PIKFYVE: variants seen among roughly 807,000 people sequenced by gnomAD.
PIKFYVE encodes the protein 1-phosphatidylinositol 3-phosphate 5-kinase.
Under a neutral mutation model 257.9 loss-of-function variants are expected in PIKFYVE, and 122 were observed. That is an observed-to-expected ratio of 0.47 (90% CI 0.41 to 0.55). PIKFYVE has a LOEUF of 0.55. Ranked by LOEUF, PIKFYVE falls within the 20% of genes least tolerant of loss-of-function variation. PIKFYVE has a pLI of 0.00. For missense variants in PIKFYVE, 2,160 were observed against 2,536.6 expected (o/e 0.85, Z 3.19); for synonymous variants, 892 against 868.9 (o/e 1.03, Z -0.47).
chr2:208,291,232 G>T (rs1180793781), intron 7 of PIKFYVE, among the ~76,000 whole-genome samples: 1 of 152,074 alleles, frequency 6.6e-6, no homozygotes, highest in Non-Finnish European at 1.5e-5. Flanking sequence ...TTTGTCAAAT[G>T]CTTTTTCTGT....
chr2:208,271,831 T>C, intron 2 of PIKFYVE, 140 bp downstream of exon 2: 1 of 808,590 alleles, frequency 1.2e-6, no homozygotes. Context: ...AAGTGAAATA[T>C]TAACAAGCGA....
At chr2:208,286,542 T>C (rs1333015342) in intron 6 of PIKFYVE, among the ~76,000 whole-genome samples, 1 of 152,160 alleles carries the variant, frequency 6.6e-6, no homozygotes, top group African/African-American at 2.4e-5. Context: ...TTAAAAATTA[T>C]TAGTTATTAT....
intron 8 of PIKFYVE, among the ~76,000 whole-genome samples, chr2:208,299,467 T>A (rs957426358): frequency 2.6e-5 from 4 of 152,182 alleles, no homozygotes; most frequent in South Asian, 4.2e-4. Context: ...TTTTTGTATT[T>A]TTAGTAGAGA....
At chr2:208,286,512 G>A (rs1394131835) in intron 6 of PIKFYVE, among the ~76,000 whole-genome samples, 5 of 152,014 alleles carry the variant, frequency 3.3e-5, no homozygotes. Context: ...TAGAGTCTTA[G>A]TTTCATCAGT....
intron 6 of PIKFYVE, among the ~76,000 whole-genome samples, chr2:208,287,782 G>C (rs1020658980): frequency 4.0e-5 from 6 of 150,510 alleles, no homozygotes; most frequent in Non-Finnish European, 8.9e-5. Context: ...TGTATTTTCA[G>C]TAGAGATGGG....
chr2:208,340,273 A>G, intron 31 of PIKFYVE, 142 bp downstream of exon 31: 1 of 1,100,660 alleles, frequency 9.1e-7, no homozygotes, highest in Non-Finnish European at 1.3e-6. Flanking sequence ...ATGTCTTTTG[A>G]TACAATGTAA....
chr2:208,325,105 T>G, intron 19 of PIKFYVE, 68 bp downstream of exon 19: 2 of 1,601,550 alleles, frequency 1.2e-6, no homozygotes, highest in Non-Finnish European at 1.7e-6. Context: ...AATGTTTACT[T>G]ACTAGGAAAT....
At chr2:208,271,367 T>G (rs1048079247) in intron 1 of PIKFYVE, 144 bp from the exon 2 acceptor site, 33 of 774,336 alleles carry the variant, frequency 4.3e-5, no homozygotes, top group African/African-American at 4.1e-4. Context: ...CTTTGGAATA[T>G]ATGAAGCTAG....
intron 10 of PIKFYVE, among the ~76,000 whole-genome samples, chr2:208,303,571 C>G (rs1455613396): frequency 6.6e-6 from 1 of 152,160 alleles, no homozygotes; most frequent in South Asian, 2.1e-4. Context: ...TCACAAACGT[C>G]TTCATCCTCG....
chr2:208,279,416 T>C (rs1574422516), intron 5 of PIKFYVE, among the ~76,000 whole-genome samples: 1 of 152,220 alleles, frequency 6.6e-6, no homozygotes, highest in South Asian at 2.1e-4. Context: ...AGGTCCCACA[T>C]GTCAATTTTT....
In PIKFYVE at chr2:208,283,222, C is replaced by G. The variant is rs536167137; in HGVS notation, c.614-2504C>G. On this transcript the variant is annotated intron_variant, in intron 5 of 41. Transcript: ENST00000264380. ...TAGTACATGGAAAGGGATCAATGAA[C>G]AGTAAACTATTGTTATTGATGGTAA... Among the ~76,000 whole-genome samples the G allele has an allele frequency of 1.1e-4, 16 of 152,146 alleles. 1 individual carries two copies. Among genetic ancestry groups the G allele is most frequent in the Non-Finnish European group, 2.2e-4 (15 of 68,018 alleles).
At chr2:208,268,423 CTTTTTTT>C (rs35632672) in intron 1 of PIKFYVE, among the ~76,000 whole-genome samples, 3 of 78,678 alleles carry the variant, frequency 3.8e-5, no homozygotes, top group African/African-American at 9.1e-5. Context: ...CTCCAGAGCT[CTTTTTTT>C]TTTTTTTTTT....
chr2:208,346,181 G>A (rs1699213804), intron 34 of PIKFYVE, 34 bp downstream of exon 34: 1 of 1,496,422 alleles, frequency 6.7e-7, no homozygotes, highest in Admixed American at 1.7e-5. Context: ...TTTATAATTA[G>A]ATTTACCTAT....
chr2:208,283,083 G>A (rs1691049017), intron 5 of PIKFYVE, among the ~76,000 whole-genome samples: 1 of 152,188 alleles, frequency 6.6e-6, no homozygotes, highest in Non-Finnish European at 1.5e-5. Flanking sequence ...TTCCTAACAG[G>A]CTACGGACGG....
intron 8 of PIKFYVE, 100 bp downstream of exon 8, chr2:208,298,879 G>T: frequency 6.8e-7 from 1 of 1,463,524 alleles, no homozygotes; most frequent in East Asian, 2.4e-5. Flanking sequence ...GTCTTGGTGT[G>T]CTGCCCAGGC....
In PIKFYVE at chr2:208,312,273, A is replaced by G; in HGVS notation, c.1674A>G (p.Ser558=). 6.2e-7 allele frequency: 1 copy of G among 1,611,422 alleles called. No homozygotes were observed. Among genetic ancestry groups the G allele is most frequent in the Non-Finnish European group, 8.5e-7 (1 of 1,178,376 alleles). The change falls in exon 13 of 42, where the codon TCA becomes TCG. Residue 558 remains serine, a synonymous_variant. Transcript: ENST00000264380. ...LISDTGGQQL[S]ISDAFIKESL... The stretch of plus-strand genomic sequence containing the variant: ...CTGACACTGGAGGACAACAGCTCTC[A>G]ATAAGTGACGCTTTCATCAAAGGTA...
intron 21 of PIKFYVE, among the ~76,000 whole-genome samples, chr2:208,328,733 A>G (rs1029356063): frequency 2.0e-5 from 3 of 152,222 alleles, no homozygotes; most frequent in Non-Finnish European, 2.9e-5. Flanking sequence ...TAATAATTTT[A>G]TGTATAAAAC....
rs955003473 is a variant in PIKFYVE, at chr2:208,298,774, C to A, written c.1045C>A (p.Leu349Ile). The change falls in exon 8 of 42, where the codon CTT becomes ATT. Residue 349 changes from leucine (L) to isoleucine (I), a missense_variant. Physicochemically the swap from Leu to Ile is conservative, Grantham distance 5 (BLOSUM62 2). This residue lies in a region of PIKFYVE where 187 missense variants were observed against 185.6 expected (regional missense o/e 1.01). Coordinates refer to ENST00000264380, the MANE Select transcript of PIKFYVE (RefSeq NM_015040.4). The stretch of plus-strand genomic sequence containing the variant: ...GACCACTGAGGATGAACGCAAAATT[C>A]TTCTGGTACTGGTCCAGTATCTTTG... Reference protein sequence around the residue: ...TETTEDERKILLDSVQLKDLW... With the variant: ...TETTEDERKIILDSVQLKDLW... 4.3e-6 allele frequency: 7 copies of A among 1,614,098 alleles called. No homozygotes were observed. Among genetic ancestry groups the A allele is most frequent in the African/African-American group, 1.3e-5 (1 of 75,044 alleles).
chr2:208,277,864 T>C (rs576141214), intron 5 of PIKFYVE, among the ~76,000 whole-genome samples, 156 bp downstream of exon 5: 74 of 152,302 alleles, frequency 4.9e-4, no homozygotes, highest in African/African-American at 1.7e-3. Flanking sequence ...TTAAGAACTT[T>C]CCTATTGAAT....
Sources: allele counts gnomAD v4.1 joint callset (sites outside exome capture counted in the v4.1 genomes callset), GRCh38; gene constraint gnomAD v4.1.1; regional missense constraint gnomAD v4.1.1; transcripts MANE v1.5; gene names NCBI Gene and HGNC (gene_info 2026-07-23, HGNC 2026-07-21).